Variants in DNAJC1 observed in about 807,000 individuals in gnomAD.
The protein encoded by DNAJC1 is DnaJ heat shock protein family (Hsp40) member C1, also known as dnaJ homolog subfamily C member 1.
A neutral mutation model predicts 76.6 loss-of-function variants in DNAJC1; 58 were observed. The ratio of observed to expected loss-of-function variants is 0.76; its 90% CI spans 0.61 to 0.94. The LOEUF is 0.94. Ranked by LOEUF, DNAJC1 falls within the 40% of genes least tolerant of loss-of-function variation. DNAJC1 has a pLI of 0.00. For synonymous variants in DNAJC1, 258 were observed against 267.9 expected, an observed-to-expected ratio of 0.96 and a Z score of 0.36; for missense variants, 689 against 677.3, an observed-to-expected ratio of 1.02 and a Z score of -0.19.
At chr10:21,912,476 A>G (rs1235169155) in intron 6 of DNAJC1, among the ~76,000 whole-genome samples, 1 of 152,130 alleles carries the variant, frequency 6.6e-6, no homozygotes, top group Admixed American at 6.5e-5. Flanking sequence ...GGAAGTAAGG[A>G]ATCTCTGTCT....
intron 1 of DNAJC1, among the ~76,000 whole-genome samples, chr10:21,959,202 G>A (rs1259607759): frequency 2.0e-5 from 3 of 152,110 alleles, no homozygotes. Context: ...TTGGCTTGCT[G>A]CAACCTCTGC....
At chr10:21,985,412 GC>G (rs1838228717) in intron 1 of DNAJC1, among the ~76,000 whole-genome samples, 1 of 152,114 alleles carries the variant, frequency 6.6e-6, no homozygotes, top group Admixed American at 6.5e-5. Context: ...ACAGCACTCA[GC>G]TAATTTCGTA....
rs146280295 is a variant in DNAJC1, at chr10:21,913,096, T to C, written c.729+5683A>G. ...ATACATCCTGATGGGGGTGGGGATA[T>C]GCATGCTGGAAACTTCCTATGACAA... On this transcript the variant is annotated intron_variant, in intron 6 of 11. Transcript: ENST00000376980. Among the ~76,000 whole-genome samples, 436 of 152,126 alleles carry C rather than the reference T, an allele frequency of 2.9e-3. 2 individuals carry two copies. Among genetic ancestry groups the C allele is most frequent in the African/African-American group, 0.01 (419 of 41,482 alleles).
At chr10:21,806,942 T>C (rs1024680032) in intron 8 of DNAJC1, among the ~76,000 whole-genome samples, 1 of 152,184 alleles carries the variant, frequency 6.6e-6, no homozygotes, top group Non-Finnish European at 1.5e-5. Flanking sequence ...GCACTAGCAG[T>C]AGTCAAACCC....
chr10:21,824,337 T>C (rs1296903794), intron 8 of DNAJC1, among the ~76,000 whole-genome samples: 2 of 152,216 alleles, frequency 1.3e-5, no homozygotes, highest in Non-Finnish European at 2.9e-5. Flanking sequence ...GAGTTTGTTC[T>C]CAATACTAAA....
intron 8 of DNAJC1, among the ~76,000 whole-genome samples, chr10:21,875,256 A>T (rs1836167544): frequency 6.6e-6 from 1 of 152,162 alleles, no homozygotes; most frequent in Admixed American, 6.6e-5. Context: ...CCTGGACTCA[A>T]GAGATCCTCG....
chr10:21,861,842 A>G (rs932133763), intron 8 of DNAJC1, among the ~76,000 whole-genome samples: 1 of 152,182 alleles, frequency 6.6e-6, no homozygotes, highest in African/African-American at 2.4e-5. Context: ...CATAAAAATG[A>G]GCAACCAGCA....
intron 9 of DNAJC1, among the ~76,000 whole-genome samples, chr10:21,795,738 T>TA (rs1834744083): frequency 6.6e-6 from 1 of 152,164 alleles, no homozygotes; most frequent in African/African-American, 2.4e-5. Context: ...CTCTAGAACT[T>TA]ACTCATCCAT....
At chr10:21,800,993 A>T (rs750779720) in intron 9 of DNAJC1, among the ~76,000 whole-genome samples, 2 of 152,216 alleles carry the variant, frequency 1.3e-5, no homozygotes, top group African/African-American at 2.4e-5. Context: ...GAATCAAAAT[A>T]TGTGATCTTG....
intron 8 of DNAJC1, among the ~76,000 whole-genome samples, chr10:21,877,852 C>T (rs1021460810): frequency 6.6e-6 from 1 of 152,314 alleles, no homozygotes; most frequent in East Asian, 1.9e-4. Context: ...AACTTTACTA[C>T]TAACAGCCTA....
intron 1 of DNAJC1, among the ~76,000 whole-genome samples, chr10:21,956,819 AACACACACACAC>A (rs3051926): frequency 1.1e-4 from 16 of 142,122 alleles, no homozygotes; most frequent in East Asian, 1.0e-3. Context: ...GTTTATACAT[AACACACACACAC>A]ACACACACAC....
At chr10:21,987,558 C>G (rs1435311436) in intron 1 of DNAJC1, among the ~76,000 whole-genome samples, 1 of 152,122 alleles carries the variant, frequency 6.6e-6, no homozygotes, top group East Asian at 1.9e-4. Context: ...AGTATATTTG[C>G]AAGCACTTTT....
rs1457521621 is a variant in DNAJC1 at position 21,854,598 on chromosome 10, A to C, written c.978+27684T>G. Among the ~76,000 whole-genome samples, 4 of 152,270 alleles carry C rather than the reference A, an allele frequency of 2.6e-5. No individual in the cohort carries two copies. In the East Asian group the frequency reaches 7.7e-4, roughly 29 times the overall value. On this transcript the variant is annotated intron_variant, in intron 8 of 11. Coordinates refer to ENST00000376980, the MANE Select transcript of DNAJC1 (RefSeq NM_022365.4). ...ACAAACAGGAAGTAGTATTCACCTAATCAGTAATGTGATGTCTGATTGGAA... is the reference window on the plus strand; with the variant it reads ...ACAAACAGGAAGTAGTATTCACCTACTCAGTAATGTGATGTCTGATTGGAA...
chr10:21,892,356 A>AACACACAC (rs35532996), intron 7 of DNAJC1, among the ~76,000 whole-genome samples: 47 of 147,726 alleles, frequency 3.2e-4, no homozygotes, highest in African/African-American at 9.7e-4. Flanking sequence ...TTGTCTATTT[A>AACACACAC]ACACACACAC....
intron 1 of DNAJC1, among the ~76,000 whole-genome samples, chr10:21,963,859 T>TCTTTC (rs1179245969): frequency 6.6e-6 from 1 of 152,214 alleles, no homozygotes; most frequent in African/African-American, 2.4e-5. Flanking sequence ...TGTTTCTATT[T>TCTTTC]CTTTCCTTTC....
chr10:21,922,343 C>T (rs1239211869), intron 3 of DNAJC1, among the ~76,000 whole-genome samples: 1 of 151,844 alleles, frequency 6.6e-6, no homozygotes, highest in Admixed American at 6.6e-5. Context: ...ATTTTATTAG[C>T]AAATCTAGAA....
At chr10:21,908,617 G>T (rs911807128) in intron 6 of DNAJC1, among the ~76,000 whole-genome samples, 13 of 151,726 alleles carry the variant, frequency 8.6e-5, no homozygotes, top group Non-Finnish European at 1.6e-4. Context: ...ATTTCCTGGG[G>T]ATATAAACTT....
intron 1 of DNAJC1, among the ~76,000 whole-genome samples, chr10:21,954,237 A>G (rs191724106): frequency 1.0e-3 from 153 of 152,334 alleles, no homozygotes; most frequent in African/African-American, 3.3e-3. Flanking sequence ...ATGTGACTAA[A>G]TTAAGTATTT....
intron 9 of DNAJC1, among the ~76,000 whole-genome samples, chr10:21,779,282 C>T (rs978096858): frequency 2.0e-5 from 3 of 152,176 alleles, no homozygotes; most frequent in African/African-American, 7.2e-5. Context: ...GATATGAAAA[C>T]AGACAGACTG....
Sources: allele counts gnomAD v4.1 joint callset (sites outside exome capture counted in the v4.1 genomes callset), GRCh38; gene constraint gnomAD v4.1.1; transcripts MANE v1.5; gene names NCBI Gene and HGNC (gene_info 2026-07-23, HGNC 2026-07-21).